HS1BP3: variants seen among roughly 807,000 people sequenced by gnomAD.
HS1BP3 encodes the protein HCLS1 binding protein 3.
In HS1BP3, 32 loss-of-function variants were observed where a neutral mutation model predicts 33.5. The ratio of observed to expected loss-of-function variants is 0.95; its 90% CI spans 0.72 to 1.28. The LOEUF (loss-of-function observed/expected upper bound fraction) is 1.28, where lower values mean the gene tolerates loss of function less well. HS1BP3 is among the 50% of genes most tolerant of loss of function. HS1BP3 has a pLI of 0.00. For missense variants in HS1BP3, 486 were observed against 502.3 expected, an observed-to-expected ratio of 0.97 and a Z score of 0.31; for synonymous variants, 187 against 209.2, an observed-to-expected ratio of 0.89 and a Z score of 0.92.
intron 4 of HS1BP3, chr2:20,636,800 T>C (rs1176836364): frequency 6.6e-6 from 1 of 152,248 alleles, no homozygotes; most frequent in Non-Finnish European, 1.5e-5. Context: ...AATGAGATCA[T>C]GCAAGCAAAT....
intron 3 of HS1BP3, among the ~76,000 whole-genome samples, chr2:20,595,533 G>A (rs1693923018): frequency 6.6e-6 from 1 of 152,192 alleles, no homozygotes; most frequent in Admixed American, 6.5e-5. Flanking sequence ...GCTGGGCCTT[G>A]CTGATCCTGT....
intron 3 of HS1BP3, among the ~76,000 whole-genome samples, chr2:20,593,246 C>A (rs1001077762): frequency 2.0e-5 from 3 of 152,172 alleles, no homozygotes; most frequent in South Asian, 4.1e-4. Context: ...AAACTTGCAA[C>A]CTTCCCGGAA....
At chr2:20,621,300 T>C (rs1275754993) in intron 6 of HS1BP3, among the ~76,000 whole-genome samples, 2 of 152,260 alleles carry the variant, frequency 1.3e-5, no homozygotes, top group Admixed American at 1.3e-4. Flanking sequence ...CCCTGCCTGC[T>C]TCCTGGCTCA....
chr2:20,603,853 C>T (rs904240255), intron 2 of HS1BP3, among the ~76,000 whole-genome samples: 1 of 152,228 alleles, frequency 6.6e-6, no homozygotes, highest in African/African-American at 2.4e-5. Flanking sequence ...GAGATGGGTT[C>T]TAACTCCGGC....
intron 1 of HS1BP3, 25 bp from the exon 2 acceptor site, chr2:20,645,530 G>A: frequency 6.2e-7 from 1 of 1,600,574 alleles, no homozygotes; most frequent in Non-Finnish European, 8.5e-7. Flanking sequence ...GAAGGCAGGT[G>A]GGGTTCAGGG....
At chr2:20,571,259 G>C (rs976987791) in intron 5 of HS1BP3, among the ~76,000 whole-genome samples, 1 of 152,108 alleles carries the variant, frequency 6.6e-6, no homozygotes, top group Non-Finnish European at 1.5e-5. Flanking sequence ...CCCCAGCCTT[G>C]CTCCCTCTGC....
intron 4 of HS1BP3, 89 bp downstream of exon 4, chr2:20,638,347 G>T: frequency 1.5e-6 from 2 of 1,330,620 alleles, no homozygotes; most frequent in South Asian, 2.8e-5. Context: ...GGATGCTCAG[G>T]GCTTTTCTCA....
chr2:20,571,701 C>A (rs1486621960), intron 5 of HS1BP3, among the ~76,000 whole-genome samples: 1 of 152,194 alleles, frequency 6.6e-6, no homozygotes, highest in African/African-American at 2.4e-5. Flanking sequence ...TACTTCTGTG[C>A]CCCTGCCTTG....
chr2:20,620,727 A>G (rs1694570453), intron 6 of HS1BP3, among the ~76,000 whole-genome samples: 1 of 152,232 alleles, frequency 6.6e-6, no homozygotes, highest in Non-Finnish European at 1.5e-5. Flanking sequence ...GGATTCTTAC[A>G]AGGATCAAAT....
intron 5 of HS1BP3, among the ~76,000 whole-genome samples, chr2:20,577,191 C>T (rs1467071893): frequency 6.6e-6 from 1 of 152,102 alleles, no homozygotes; most frequent in Admixed American, 6.5e-5. Flanking sequence ...GGGGGCATGA[C>T]ACACTGATAT....
At chr2:20,568,339 C>A (rs577070766) in intron 5 of HS1BP3, among the ~76,000 whole-genome samples, 1 of 152,220 alleles carries the variant, frequency 6.6e-6, no homozygotes, top group Non-Finnish European at 1.5e-5. Flanking sequence ...TGCAGAAACC[C>A]CAGTCTGTTC....
At chr2:20,567,193 G>A (rs1343465887) in intron 5 of HS1BP3, among the ~76,000 whole-genome samples, 1 of 151,750 alleles carries the variant, frequency 6.6e-6, no homozygotes, top group African/African-American at 2.4e-5. Context: ...ACTGAGAAAA[G>A]GTCACATCCT....
chr2:20,588,715 G>A (rs925232811), downstream of HS1BP3, among the ~76,000 whole-genome samples: 11 of 152,234 alleles, frequency 7.2e-5, no homozygotes, highest in Non-Finnish European at 1.0e-4. Context: ...GTGGGAGCTT[G>A]CAGCCCCTCT....
downstream of HS1BP3, among the ~76,000 whole-genome samples, chr2:20,616,029 G>A (rs926172259): frequency 3.9e-5 from 6 of 152,328 alleles, no homozygotes; most frequent in South Asian, 2.1e-4. Flanking sequence ...GAACAATGCC[G>A]GGAGGAAGGG....
chr2:20,590,648 G>GCTGGGCCAGT (rs1284401234), downstream of HS1BP3: 2 of 152,526 alleles, frequency 1.3e-5, no homozygotes, highest in Non-Finnish European at 2.9e-5. Context: ...GCTGGGCCAG[G>GCTGGGCCAGT]CTGGGCAACT....
chr2:20,572,227 C>T (rs931179982), intron 5 of HS1BP3, among the ~76,000 whole-genome samples: 1 of 152,184 alleles, frequency 6.6e-6, no homozygotes, highest in East Asian at 1.9e-4. Flanking sequence ...TAGTTCTGCT[C>T]AGGCTCTTTC....
At chr2:20,635,213 A>G (rs1186383892) in intron 4 of HS1BP3, 1 of 152,208 alleles carries the variant, frequency 6.6e-6, no homozygotes, top group African/African-American at 2.4e-5. Context: ...AGCTTTGTAT[A>G]TGTAGAAGTT....
At chr2:20,565,905 G>A (rs535194085) in intron 5 of HS1BP3, among the ~76,000 whole-genome samples, 2 of 152,232 alleles carry the variant, frequency 1.3e-5, no homozygotes, top group Admixed American at 1.3e-4. Flanking sequence ...ACAGGCCAAG[G>A]CTTCCATGGA....
Position 20,565,361 on chromosome 2 carries a change from C to G in HS1BP3, c.303-4846G>C, listed in dbSNP as rs535737428. Among the ~76,000 whole-genome samples the G allele has an allele frequency of 2.0e-5, 3 of 152,298 alleles. No homozygotes were observed. The South Asian group carries it at 6.2e-4, about 32-fold the overall frequency. ...CAGATGGACCAGGCACTTCCATGGC[C>G]CCTGCTTCCTGACCCTCCTGTCCAC... On this transcript the variant is annotated intron_variant, in intron 5 of 5. Coordinates refer to the HS1BP3 transcript ENST00000446825.
Sources: gnomAD v4.1 joint callset for allele counts (sites outside exome capture counted in the v4.1 genomes callset) on GRCh38, gnomAD v4.1.1 for gene constraint, MANE v1.5 for transcripts, NCBI Gene and HGNC (gene_info 2026-07-23, HGNC 2026-07-21) for gene names.